The following CASZ1 variants were observed in gnomAD, a reference collection of about 807,000 sequenced individuals.
CASZ1 encodes castor zinc finger 1, also known as zinc finger protein castor homolog 1.
CASZ1 carries 28 observed loss-of-function variants against 135.2 expected under a neutral mutation model. The ratio of observed to expected loss-of-function variants is 0.21; its 90% CI spans 0.15 to 0.28. CASZ1 has a LOEUF of 0.28. Among genes scored for constraint, CASZ1 ranks in the 10% least tolerant of loss-of-function variants. The pLI is 1.00. For synonymous variants in CASZ1, 1,068 were observed against 1,073.4 expected, an observed-to-expected ratio of 0.99 and a Z score of 0.10; for missense variants, 2,161 against 2,453.3, an observed-to-expected ratio of 0.88 and a Z score of 2.52.
chr1:10,768,222 G>GTT lies in CASZ1; in HGVS notation c.-233-7367_-233-7366dup, dbSNP rs199772265. Among the ~76,000 whole-genome samples the GTT allele has an allele frequency of 1.4e-3, 217 of 152,186 alleles. 8 individuals carry two copies. The East Asian group carries it at 0.038, about 26-fold the overall frequency. ...TTATTGTTCGTTTGTTTGTTTGTTTGTTTGTTTGTTTTTGAGACAGAGTCT... is the reference window on the plus strand; with the variant it reads ...TTATTGTTCGTTTGTTTGTTTGTTTGTTTTTGTTTGTTTTTGAGACAGAGTCT... On this transcript the variant is annotated intron_variant, in intron 1 of 20. Transcript: ENST00000377022.
In CASZ1 at chr1:10,638,012, C is replaced by CTT. The variant is rs1642052556; in HGVS notation, c.*929_*930insAA. ...AGACAGCCTCAAACAGTTAAGGCCT[C>CTT]TACAAAAACCCTGGACCAAATCCCA... On this transcript the variant is annotated 3_prime_UTR_variant, in exon 21 of 21. Transcript: ENST00000377022. The surrounding 1 kb of genome is among the most constrained non-coding windows in gnomAD (Gnocchi z 5.9). 1 of 152,452 alleles carries CTT rather than the reference C, an allele frequency of 6.6e-6. No individual in the cohort carries two copies. Among genetic ancestry groups the CTT allele is most frequent in the Non-Finnish European group, 1.5e-5 (1 of 68,044 alleles). 9.4% of individuals were successfully genotyped at this position (152,452 alleles called of 1,614,324 possible).
Position 10,700,135 on chromosome 1 carries a change from C to T in CASZ1, c.-24+5357G>A, listed in dbSNP as rs1388411379. The stretch of plus-strand genomic sequence containing the variant: ...CACACACAGAGTATGAAGCAGGGAC[C>T]TGGGCTAGTTGGGTTGCCCTGTGGG... On this transcript the variant is annotated intron_variant, in intron 3 of 20. Transcript: ENST00000377022. This position sits in a 1 kb window ranked among gnomAD's most constrained non-coding sequence, Gnocchi z 4.2. Among the ~76,000 whole-genome samples, 1 of 102,976 alleles carries T rather than the reference C, an allele frequency of 9.7e-6. No individual in the cohort carries two copies. The highest frequency in any genetic ancestry group is 2.4e-4 in the East Asian group (1 of 4,102). 67.6% of individuals were successfully genotyped at this position (102,976 alleles called of 152,430 possible).
chr1:10,786,851 C>G (rs1353872620), intron 1 of CASZ1, among the ~76,000 whole-genome samples: 5 of 152,188 alleles, frequency 3.3e-5, no homozygotes, highest in Non-Finnish European at 1.5e-5. Flanking sequence ...CCAAATTCAC[C>G]CCCAAGTTCC....
intron 17 of CASZ1, among the ~76,000 whole-genome samples, chr1:10,645,770 T>A (rs546125007): frequency 2.6e-5 from 4 of 152,340 alleles, no homozygotes; most frequent in African/African-American, 9.6e-5. Flanking sequence ...CTGATCTGAC[T>A]TTCCTGTGTG....
rs199603500 is a variant in CASZ1, at chr1:10,656,210, T to TC, written c.1501-398dup. Among the ~76,000 whole-genome samples, 1,445 of 152,212 alleles carry TC rather than the reference T, an allele frequency of 9.5e-3. 13 individuals are homozygous for TC. The highest frequency in any genetic ancestry group is 0.027 in the Middle Eastern group (8 of 294). On this transcript the variant is annotated intron_variant, in intron 8 of 20. Transcript: ENST00000377022. ...CACCCCACGCAGGCTGCCCTGACTC[T>TC]CCCCCCACTCACCAGCCCCGCGCTC...
intron 4 of CASZ1, among the ~76,000 whole-genome samples, chr1:10,671,481 C>T (rs1057322362): frequency 1.3e-5 from 2 of 152,160 alleles, no homozygotes; most frequent in African/African-American, 2.4e-5. Flanking sequence ...GAAGGGGCTT[C>T]GGGTGAGCCT....
chr1:10,665,243 C>T lies in CASZ1; in HGVS notation c.345G>A (p.Glu115=). 6.2e-7 allele frequency: 1 copy of T among 1,603,992 alleles called. No individual in the cohort carries two copies. Among genetic ancestry groups the T allele is most frequent in the Non-Finnish European group, 8.5e-7 (1 of 1,174,028 alleles). Residue 115 remains glutamate (E), a synonymous_variant, in exon 5 of 21, where the codon GAG becomes GAA. Transcript: ENST00000377022. ...VLGRIAREGL[E]LPPEGVYMVQ... ...CCATGTAGACACCCTCGGGAGGCAG[C>T]TCCAGGCCCTCGCGGGCAATCCGCC...
At chr1:10,775,146 G>A (rs1640640556) in intron 1 of CASZ1, among the ~76,000 whole-genome samples, 2 of 152,102 alleles carry the variant, frequency 1.3e-5, no homozygotes, top group East Asian at 1.9e-4. Flanking sequence ...ACACTTGTTC[G>A]GTTCCCTACC....
Position 10,772,071 on chromosome 1 carries a change from T to TG in CASZ1, c.-233-11215dup, listed in dbSNP as rs200585733. ...TGAGAGGGTGGAGCCACGTGACACC[T>TG]GGGGGGAGCCTGCAGGAACAAGGTG... is the stretch of plus-strand genomic sequence containing the variant. On this transcript the variant is annotated intron_variant, in intron 1 of 20. Transcript: ENST00000377022. Among the ~76,000 whole-genome samples the TG allele has an allele frequency of 7.3e-3, 1,112 of 152,156 alleles. 9 individuals are homozygous for TG. Among genetic ancestry groups the TG allele is most frequent in the African/African-American group, 0.026 (1,059 of 41,508 alleles).
intron 4 of CASZ1, among the ~76,000 whole-genome samples, chr1:10,680,550 C>T (rs1485683421): frequency 3.3e-5 from 5 of 152,192 alleles, no homozygotes; most frequent in African/African-American, 1.2e-4. Context: ...TGCAGTGTTG[C>T]ACGCTCCAGC....
intron 4 of CASZ1, 55 bp downstream of exon 4, chr1:10,693,818 TA>T: frequency 1.5e-6 from 2 of 1,333,704 alleles, no homozygotes; most frequent in Non-Finnish European, 2.0e-6. Flanking sequence ...AGAACTTCCG[TA>T]AAAGAAGCGA....
chr1:10,715,744 T>A (rs1288241496), intron 2 of CASZ1, among the ~76,000 whole-genome samples: 178 of 31,754 alleles, frequency 5.6e-3, no homozygotes, highest in Middle Eastern at 0.053. Flanking sequence ...CCCAATCCGC[T>A]CCCCACAGCA....
rs570951346 is a variant in CASZ1, at chr1:10,756,009, C to G, written c.-77+4692G>C. Among the ~76,000 whole-genome samples, 3 of 152,248 alleles carry G rather than the reference C, an allele frequency of 2.0e-5. No individual in the cohort carries two copies. The South Asian group carries it at 6.2e-4, about 32-fold the overall frequency. Reference sequence around the variant, plus strand: ...AGAGGCGGAAAGCAGAAAAACCTCCCACGCGTGCACAGATGCACACGCCTC... The same window carrying G: ...AGAGGCGGAAAGCAGAAAAACCTCCGACGCGTGCACAGATGCACACGCCTC... On this transcript the variant is annotated intron_variant, in intron 2 of 20. Coordinates refer to ENST00000377022, the MANE Select transcript of CASZ1 (RefSeq NM_001079843.3). The surrounding 1 kb of genome is among the most constrained non-coding windows in gnomAD (Gnocchi z 5.9).
chr1:10,653,125 G>C (rs1327200365), intron 11 of CASZ1: 1 of 577,348 alleles, frequency 1.7e-6, no homozygotes, highest in South Asian at 1.8e-5. Flanking sequence ...GAGGAGGCAG[G>C]GACCATCGCC....
intron 1 of CASZ1, among the ~76,000 whole-genome samples, chr1:10,763,315 G>A (rs1044968194): frequency 2.0e-5 from 3 of 152,176 alleles, no homozygotes; most frequent in Non-Finnish European, 1.5e-5. Flanking sequence ...ACCAGGAGAC[G>A]TGGGTCCGAG....
chr1:10,672,081 C>T (rs1054036915), intron 4 of CASZ1, among the ~76,000 whole-genome samples: 13 of 152,182 alleles, frequency 8.5e-5, no homozygotes, highest in Non-Finnish European at 1.3e-4. Flanking sequence ...CTGCCCAGGC[C>T]ACCTCCTTTC....
At chr1:10,654,761 A>G (rs903096211) in intron 9 of CASZ1, among the ~76,000 whole-genome samples, 170 bp from the exon 10 acceptor site, 2 of 152,192 alleles carry the variant, frequency 1.3e-5, no homozygotes, top group African/African-American at 4.8e-5. Flanking sequence ...CAGAGTAGAA[A>G]GCCTCCAACA....
chr1:10,722,461 C>T (rs890691053), intron 2 of CASZ1, among the ~76,000 whole-genome samples: 4 of 152,162 alleles, frequency 2.6e-5, no homozygotes, highest in South Asian at 2.1e-4. Context: ...ACTTAGGGAC[C>T]GAGTACCTTC....
intron 1 of CASZ1, among the ~76,000 whole-genome samples, chr1:10,791,996 C>T (rs920791721): frequency 2.6e-4 from 40 of 151,854 alleles, no homozygotes; most frequent in African/African-American, 7.2e-4. Flanking sequence ...ACTCGTAAGC[C>T]TCTGTTCTGT....
Sources: allele counts gnomAD v4.1 joint callset (sites outside exome capture counted in the v4.1 genomes callset), GRCh38; gene constraint gnomAD v4.1.1; non-coding constraint Gnocchi (gnomAD v3.1); transcripts MANE v1.5; gene names NCBI Gene and HGNC (gene_info 2026-07-23, HGNC 2026-07-21).